DPY19L1: variants seen among roughly 807,000 people sequenced by gnomAD.
The protein encoded by DPY19L1 is protein C-mannosyl-transferase DPY19L1.
A neutral mutation model predicts 96.9 loss-of-function variants in DPY19L1; 35 were observed. That is an observed-to-expected ratio of 0.36 (90% CI 0.28 to 0.48). DPY19L1 has a LOEUF of 0.48. Ranked by LOEUF, DPY19L1 falls within the 20% of genes least tolerant of loss-of-function variation. The pLI, the probability that DPY19L1 is intolerant of heterozygous loss-of-function variation, is 0.99. For synonymous variants in DPY19L1, 205 were observed against 252.6 expected (o/e 0.81, Z 1.79); for missense variants, 521 against 777.9 (o/e 0.67, Z 3.93).
chr7:35,031,844 T>A (rs1218116155), intron 1 of DPY19L1, among the ~76,000 whole-genome samples: 1 of 152,192 alleles, frequency 6.6e-6, no homozygotes, highest in Non-Finnish European at 1.5e-5. Flanking sequence ...CAGAAGTCTA[T>A]CTTAGAAAGA....
chr7:34,941,709 C>T, intron 18 of DPY19L1, 56 bp downstream of exon 18: 3 of 1,567,580 alleles, frequency 1.9e-6, no homozygotes, highest in South Asian at 1.2e-5. Flanking sequence ...TTTAGGGCCA[C>T]TCAATAATAA....
rs572091511 is a variant in DPY19L1 at position 34,961,634 on chromosome 7, C to T, written c.1093-3564G>A. Among the ~76,000 whole-genome samples the T allele has an allele frequency of 5.9e-5, 9 of 152,204 alleles. No individual in the cohort carries two copies. In the South Asian group the frequency reaches 1.9e-3, roughly 32 times the overall value. On this transcript the variant is annotated intron_variant, in intron 10 of 21. Transcript: ENST00000638088. Reference sequence around the variant, plus strand: ...ACAAAGGTACAATTTATGAAAGAAACAATTGATAAGCTGAACTTCATTAAA... The same window carrying T: ...ACAAAGGTACAATTTATGAAAGAAATAATTGATAAGCTGAACTTCATTAAA...
At chr7:34,979,178 C>T (rs1291439724) in intron 7 of DPY19L1, among the ~76,000 whole-genome samples, 1 of 152,064 alleles carries the variant, frequency 6.6e-6, no homozygotes, top group Admixed American at 6.5e-5. Flanking sequence ...AGTACACCTC[C>T]ATGTTTCCAT....
intron 10 of DPY19L1, among the ~76,000 whole-genome samples, chr7:34,959,888 T>C (rs1212700118): frequency 1.6e-5 from 2 of 125,088 alleles, no homozygotes; most frequent in East Asian, 4.6e-4. Context: ...TATATGTTTA[T>C]TTGTATATAA....
intron 6 of DPY19L1, among the ~76,000 whole-genome samples, chr7:34,998,394 T>A (rs1785341837): frequency 6.6e-6 from 1 of 152,144 alleles, no homozygotes; most frequent in African/African-American, 2.4e-5. Context: ...AAAGATCATT[T>A]AAGTTCTCTT....
intron 1 of DPY19L1, among the ~76,000 whole-genome samples, chr7:35,032,705 T>A (rs1300023578): frequency 1.3e-5 from 2 of 152,048 alleles, no homozygotes; most frequent in African/African-American, 2.4e-5. Context: ...ACCTTTTCCT[T>A]CAAACCCATT....
rs546529067 is a variant in DPY19L1, at chr7:34,937,091, T to C, written c.2090+903A>G. ...AAAAGCAGGCTACTGTCACCTGGTG[T>C]CCAGTCACTTACGTGCCACATTTCT... is the stretch of plus-strand genomic sequence containing the variant. On this transcript the variant is annotated intron_variant, in intron 21 of 21. Coordinates refer to ENST00000638088, the MANE Select transcript of DPY19L1 (RefSeq NM_001366673.1). Among the ~76,000 whole-genome samples the C allele has an allele frequency of 1.2e-3, 183 of 152,378 alleles. 1 individual carries two copies. Among genetic ancestry groups the C allele is most frequent in the Non-Finnish European group, 1.6e-4 (11 of 68,032 alleles).
At chr7:34,950,850 A>C (rs974557500) in intron 13 of DPY19L1, among the ~76,000 whole-genome samples, 19 of 152,170 alleles carry the variant, frequency 1.2e-4, no homozygotes, top group Non-Finnish European at 2.6e-4. Flanking sequence ...CATATATGTA[A>C]AGAGCATAAA....
At chr7:34,979,191 A>G (rs536113491) in intron 7 of DPY19L1, among the ~76,000 whole-genome samples, 1 of 152,222 alleles carries the variant, frequency 6.6e-6, no homozygotes, top group Admixed American at 6.5e-5. Context: ...GTTTCCATCC[A>G]TTGTTGCAAT....
intron 4 of DPY19L1, among the ~76,000 whole-genome samples, chr7:35,012,656 T>C (rs1237289510): frequency 6.6e-6 from 1 of 151,992 alleles, no homozygotes; most frequent in Non-Finnish European, 1.5e-5. Flanking sequence ...TAAAAAAAAT[T>C]ATGATTATAA....
At position 34,957,974 on chromosome 7, in the gene DPY19L1, G is replaced by A. The variant is rs1428151728; in HGVS notation, c.1179+10C>T. On this transcript the variant is annotated intron_variant, in intron 11 of 21. Transcript: ENST00000638088. ...CAAAAACAGCCATATAAGTGTTAAG[G>A]AATACTTACCCAAATAATTACCAAA... The A allele has an allele frequency of 6.5e-7, 1 of 1,537,300 alleles. No homozygotes were observed. The highest frequency in any genetic ancestry group is 1.4e-5 in the African/African-American group (1 of 71,700).
rs770313051 is a variant in DPY19L1 at position 34,939,362 on chromosome 7, C to T, written c.1878G>A (p.Ala626=). 5.6e-6 allele frequency: 9 copies of T among 1,613,728 alleles called. No individual in the cohort carries two copies. Among genetic ancestry groups the T allele is most frequent in the Middle Eastern group, 1.6e-4 (1 of 6,072 alleles). ...KYSTKPDAVF[A]GAMPTMASVK... Reference sequence around the variant, plus strand: ...CACTTGCCATCGTGGGCATGGCACCCGCAAACACTGCATCTGGAAGGCAAG... The same window carrying T: ...CACTTGCCATCGTGGGCATGGCACCTGCAAACACTGCATCTGGAAGGCAAG... The change falls in exon 20 of 22, where the codon GCG becomes GCA. Residue 626 remains alanine, a synonymous_variant. Transcript: ENST00000638088.
intron 7 of DPY19L1, among the ~76,000 whole-genome samples, chr7:34,978,695 G>GT (rs1289840853): frequency 2.0e-5 from 3 of 152,030 alleles, no homozygotes; most frequent in African/African-American, 7.2e-5. Context: ...CACAGGTTGA[G>GT]TATTTCTCAT....
intron 10 of DPY19L1, among the ~76,000 whole-genome samples, chr7:34,959,901 A>ATATATATATATATATATATT (rs1784457858): frequency 6.1e-5 from 1 of 16,366 alleles, no homozygotes; most frequent in East Asian, 7.4e-3. Flanking sequence ...GTATATAAAT[A>ATATATATATATATATATATT]TATATATATA....
At chr7:34,961,993 CT>C (rs1319898511) in intron 10 of DPY19L1, among the ~76,000 whole-genome samples, 1 of 152,192 alleles carries the variant, frequency 6.6e-6, no homozygotes, top group African/African-American at 2.4e-5. Flanking sequence ...TCATTTATTG[CT>C]GGTGGTAATG....
intron 1 of DPY19L1, among the ~76,000 whole-genome samples, chr7:35,025,514 G>A (rs329253): frequency 0.2 from 30,284 of 151,988 alleles, 3,367 homozygotes; most frequent in Admixed American, 0.35. Flanking sequence ...GGGTGGGGGA[G>A]GTGGTGGGAG....
At chr7:34,960,807 C>T (rs1025299545) in intron 10 of DPY19L1, among the ~76,000 whole-genome samples, 3 of 151,906 alleles carry the variant, frequency 2.0e-5, no homozygotes, top group Admixed American at 1.3e-4. Flanking sequence ...TCTTAAACAC[C>T]AAAAATAGAT....
intron 6 of DPY19L1, among the ~76,000 whole-genome samples, chr7:34,999,737 A>C (rs1785379168): frequency 2.0e-5 from 3 of 152,224 alleles, no homozygotes; most frequent in Admixed American, 2.0e-4. Flanking sequence ...TCAGCTGTAG[A>C]TCTGGAGAGG....
Position 35,022,814 on chromosome 7 carries a change from G to A in DPY19L1, c.299-4218C>T, listed in dbSNP as rs563516330. 3.9e-5 allele frequency among the ~76,000 whole-genome samples: 6 copies of A among 152,166 alleles called. No individual in the cohort carries two copies. In the South Asian group the frequency reaches 1.0e-3, roughly 26 times the overall value. The stretch of plus-strand genomic sequence containing the variant: ...CACATCATCCTTTTTCACCAATGGA[G>A]CCCCCATTTACTTTGTGCAGATTAG... On this transcript the variant is annotated intron_variant, in intron 1 of 21. Coordinates refer to ENST00000638088, the MANE Select transcript of DPY19L1 (RefSeq NM_001366673.1).
Sources: gnomAD v4.1 joint callset for allele counts (sites outside exome capture counted in the v4.1 genomes callset) on GRCh38, gnomAD v4.1.1 for gene constraint, MANE v1.5 for transcripts, NCBI Gene and HGNC (gene_info 2026-07-23, HGNC 2026-07-21) for gene names.